Variants in NSUN6 observed in about 807,000 individuals in gnomAD.
NSUN6 encodes the protein tRNA (cytosine(72)-C(5))-methyltransferase NSUN6.
Under a neutral mutation model 58.0 loss-of-function variants are expected in NSUN6, and 64 were observed. The ratio of observed to expected loss-of-function variants is 1.10; its 90% CI spans 0.90 to 1.36. NSUN6 has a LOEUF of 1.36. NSUN6 is among the 40% of genes most tolerant of loss of function. NSUN6 has a pLI of 0.00. For synonymous variants in NSUN6, 231 were observed against 193.9 expected, an observed-to-expected ratio of 1.19 and a Z score of -1.59; for missense variants, 701 against 550.1, an observed-to-expected ratio of 1.27 and a Z score of -2.74.
chr10:18,605,902 A>G (rs762447313), intron 6 of NSUN6, among the ~76,000 whole-genome samples: 35 of 152,236 alleles, frequency 2.3e-4, no homozygotes, highest in Non-Finnish European at 4.3e-4. Flanking sequence ...ATTATTCTCC[A>G]AAATGGAACA....
At chr10:18,558,059 G>C (rs1487314420) in intron 8 of NSUN6, among the ~76,000 whole-genome samples, 1 of 150,856 alleles carries the variant, frequency 6.6e-6, no homozygotes, top group Non-Finnish European at 1.5e-5. Context: ...ATGGAATGCA[G>C]AATGGAATAG....
At chr10:18,640,433 GAA>G (rs774842104) in intron 3 of NSUN6, among the ~76,000 whole-genome samples, 19 of 152,184 alleles carry the variant, frequency 1.2e-4, no homozygotes, top group Middle Eastern at 3.4e-3. Context: ...AAAGAATAAA[GAA>G]AAAGTGTTTA....
At position 18,551,942 on chromosome 10, in the gene NSUN6, C is replaced by A; in HGVS notation, c.952G>T (p.Asp318Tyr). ...GEPPFLPESF[D>Y]RILLDAPCSG... ...CAGGGTGCATCCAGAAGAATTCGGT[C>A]AAAGGATTCTGGTAGAAATGGAGGT... The change falls in exon 9 of 11, where the codon GAC (aspartate) becomes TAC (tyrosine). Residue 318 changes from aspartate to tyrosine, a missense_variant. By Grantham distance (160) the Asp-to-Tyr change is radical. Transcript: ENST00000377304. 6.2e-7 allele frequency: 1 copy of A among 1,607,266 alleles called. No individual in the cohort carries two copies. The highest frequency in any genetic ancestry group is 8.5e-7 in the Non-Finnish European group (1 of 1,174,600).
At chr10:18,638,438 T>C (rs1369839392) in intron 3 of NSUN6, among the ~76,000 whole-genome samples, 1 of 151,994 alleles carries the variant, frequency 6.6e-6, no homozygotes, top group Non-Finnish European at 1.5e-5. Context: ...TGAGCCTCCA[T>C]CTCAAAACAA....
At chr10:18,558,972 A>C (rs1459171655) in intron 8 of NSUN6, among the ~76,000 whole-genome samples, 1 of 149,562 alleles carries the variant, frequency 6.7e-6, no homozygotes, top group African/African-American at 2.5e-5. Flanking sequence ...GAGAATGGAA[A>C]AGAATGGAAT....
chr10:18,604,047 T>C (rs1182634261), intron 6 of NSUN6, among the ~76,000 whole-genome samples: 3 of 151,950 alleles, frequency 2.0e-5, no homozygotes, highest in African/African-American at 7.2e-5. Context: ...CTGGGCATAG[T>C]GGCGGGGGCC....
At chr10:18,601,447 C>T (rs775594917) in intron 6 of NSUN6, among the ~76,000 whole-genome samples, 2 of 151,954 alleles carry the variant, frequency 1.3e-5, no homozygotes, top group Non-Finnish European at 2.9e-5. Context: ...TCCAAGGAAC[C>T]GAGTGTTTCA....
upstream of NSUN6, among the ~76,000 whole-genome samples, chr10:18,655,892 G>A (rs977199822): frequency 2.6e-5 from 4 of 152,180 alleles, no homozygotes; most frequent in Admixed American, 2.6e-4. Context: ...CTAAACTACA[G>A]AAGAGATGTC....
intron 3 of NSUN6, among the ~76,000 whole-genome samples, chr10:18,621,317 CT>C (rs1251024648): frequency 1.3e-5 from 2 of 152,112 alleles, no homozygotes; most frequent in Non-Finnish European, 2.9e-5. Flanking sequence ...ATGGTTTTCC[CT>C]TTGCTGATTG....
chr10:18,611,532 T>C (rs1472245423), intron 5 of NSUN6, among the ~76,000 whole-genome samples: 1 of 152,106 alleles, frequency 6.6e-6, no homozygotes, highest in African/African-American at 2.4e-5. Context: ...TTGTTGGTTT[T>C]ATTTATTTAT....
At chr10:18,620,976 T>C (rs1308247592) in intron 3 of NSUN6, among the ~76,000 whole-genome samples, 2 of 152,206 alleles carry the variant, frequency 1.3e-5, no homozygotes, top group African/African-American at 4.8e-5. Context: ...AAAGTTAACA[T>C]AGTAGGCCTG....
At chr10:18,572,050 C>A (rs1470115038) in intron 8 of NSUN6, among the ~76,000 whole-genome samples, 1 of 150,924 alleles carries the variant, frequency 6.6e-6, no homozygotes, top group East Asian at 2.0e-4. Flanking sequence ...CTTTCCATTC[C>A]ATTTCCCACT....
chr10:18,656,397 C>G (rs1354036721), upstream of NSUN6, among the ~76,000 whole-genome samples: 1 of 152,152 alleles, frequency 6.6e-6, no homozygotes, highest in African/African-American at 2.4e-5. Context: ...ATTAACTGGG[C>G]ATGGTGGTGC....
At chr10:18,647,657 T>C (rs938032244) in intron 2 of NSUN6, among the ~76,000 whole-genome samples, 2 of 151,902 alleles carry the variant, frequency 1.3e-5, no homozygotes, top group Non-Finnish European at 2.9e-5. Context: ...CTGTTTTACA[T>C]TGAAAATAGA....
chr10:18,584,184 C>A (rs2057027365), intron 8 of NSUN6, among the ~76,000 whole-genome samples: 1 of 152,194 alleles, frequency 6.6e-6, no homozygotes, highest in South Asian at 2.1e-4. Context: ...ATATCGAAAT[C>A]ATGCCTGCTT....
intron 8 of NSUN6, among the ~76,000 whole-genome samples, chr10:18,572,321 CCATTCCATTCCATTCTCCATTCCAATCCA>C (rs1454808378): frequency 3.6e-4 from 55 of 151,760 alleles, no homozygotes; most frequent in African/African-American, 1.1e-3. Context: ...AGTTCAATCT[CCATTCCATTCCATTCTCCATTCCAATCCA>C]CATTCCATTC....
chr10:18,548,183 T>TTATA lies in NSUN6; in HGVS notation c.1122_1125dup (p.Thr376TyrfsTer7), dbSNP rs2054397490. ...ACCTGTTCTTCATTTTCGGCCAGTG[T>TTATA]TATAGTGCACGTGCTATAAACCAGC... On this transcript the variant is annotated frameshift_variant, in exon 10 of 11. Coordinates refer to ENST00000377304, the MANE Select transcript of NSUN6 (RefSeq NM_182543.5). LOFTEE classifies it high-confidence loss of function. The TTATA allele has an allele frequency of 6.2e-7, 1 of 1,613,690 alleles. No individual in the cohort carries two copies. The highest frequency in any genetic ancestry group is 8.5e-7 in the Non-Finnish European group (1 of 1,179,838).
At chr10:18,556,308 C>G (rs11014871) in intron 8 of NSUN6, among the ~76,000 whole-genome samples, 6 of 44,750 alleles carry the variant, frequency 1.3e-4, no homozygotes, top group Admixed American at 2.3e-4. Flanking sequence ...CAGTGGAATG[C>G]AATGGAGAAT....
intron 6 of NSUN6, among the ~76,000 whole-genome samples, chr10:18,608,565 G>C (rs1035286595): frequency 6.7e-6 from 1 of 150,282 alleles, no homozygotes; most frequent in East Asian, 2.0e-4. Flanking sequence ...CCTGAGCCTG[G>C]GAGGTCAAGG....
Sources: allele counts gnomAD v4.1 joint callset (sites outside exome capture counted in the v4.1 genomes callset), GRCh38; gene constraint gnomAD v4.1.1; transcripts MANE v1.5; gene names NCBI Gene and HGNC (gene_info 2026-07-23, HGNC 2026-07-21).